Variants in LYST observed in about 807,000 individuals in gnomAD.
LYST encodes the protein lysosomal trafficking regulator, also known as lysosomal-trafficking regulator.
In LYST, 192 loss-of-function variants were observed where a neutral mutation model predicts 413.6. The ratio of observed to expected loss-of-function variants is 0.46; its 90% CI spans 0.41 to 0.52. The LOEUF is 0.52. Among genes scored for constraint, LYST ranks in the 20% least tolerant of loss-of-function variants. LYST has a pLI of 0.00. For synonymous variants in LYST, 1,525 were observed against 1,567.3 expected (o/e 0.97, Z 0.64); for missense variants, 3,815 against 4,499.9 (o/e 0.85, Z 4.35).
rs144878739 is a variant in LYST, at chr1:235,709,588, C to G, written c.9926-280G>C. Among the ~76,000 whole-genome samples, 54 of 150,110 alleles carry G rather than the reference C, an allele frequency of 3.6e-4. 6 individuals carry two copies. The highest frequency in any genetic ancestry group is 1.4e-3 in the African/African-American group (54 of 39,494). On this transcript the variant is annotated intron_variant, in intron 43 of 52. Transcript: ENST00000389793. ...AACATATTGAAGAAAAGGAGAAAAC[C>G]ATTGCCTACTAATTCCAATATTCTG...
At chr1:235,786,230 G>A (rs982157935) in intron 14 of LYST, among the ~76,000 whole-genome samples, 6 of 152,000 alleles carry the variant, frequency 3.9e-5, no homozygotes, top group Non-Finnish European at 7.4e-5. Flanking sequence ...CAGTCACTTC[G>A]ACAGGAGGCT....
Position 235,830,154 on chromosome 1 carries a change from A to G in LYST, c.192+72T>C, listed in dbSNP as rs1158803779. On this transcript the variant is annotated intron_variant, in intron 3 of 52. Transcript: ENST00000389793. Reference sequence around the variant, plus strand: ...CTCAAGGAGGCTTCAGAAACTATGTAATCCAAAACCATGTAGCTACAGTTA... The same window carrying G: ...CTCAAGGAGGCTTCAGAAACTATGTGATCCAAAACCATGTAGCTACAGTTA... 3 of 1,187,040 alleles carry G rather than the reference A, an allele frequency of 2.5e-6. No homozygotes were observed. In the South Asian group the frequency reaches 3.8e-5, roughly 15 times the overall value. 73.5% of individuals were successfully genotyped at this position (1,187,040 alleles called of 1,614,324 possible).
At chr1:235,858,454 T>C in intron 1 of LYST, among the ~76,000 whole-genome samples, 1 of 152,238 alleles carries the variant, frequency 6.6e-6, no homozygotes, top group East Asian at 1.9e-4. Flanking sequence ...TGGTCATTCT[T>C]TGGCCCTTAT....
At chr1:235,713,179 G>T in intron 42 of LYST, 1 of 985,112 alleles carries the variant, frequency 1.0e-6, no homozygotes, top group South Asian at 4.7e-5. Flanking sequence ...AAAAAAATCT[G>T]GGAAGAAATA....
intron 5 of LYST, 98 bp from the exon 6 acceptor site, chr1:235,806,870 A>T: frequency 1.2e-6 from 1 of 806,218 alleles, no homozygotes; most frequent in African/African-American, 1.7e-5. Context: ...TGCATGTGGG[A>T]TATACTAACC....
At chr1:235,789,690 T>C (rs576761941) in intron 12 of LYST, among the ~76,000 whole-genome samples, 44 of 152,314 alleles carry the variant, frequency 2.9e-4, no homozygotes, top group African/African-American at 9.9e-4. Context: ...CCTGTAGCGA[T>C]GACAATAGTT....
chr1:235,838,274 A>G (rs1676793582), intron 1 of LYST, among the ~76,000 whole-genome samples: 1 of 152,180 alleles, frequency 6.6e-6, no homozygotes, highest in African/African-American at 2.4e-5. Context: ...GCCAATGAGT[A>G]ACTAAATCAA....
At chr1:235,793,821 T>C (rs920535908) in intron 10 of LYST, among the ~76,000 whole-genome samples, 1 of 151,996 alleles carries the variant, frequency 6.6e-6, no homozygotes, top group South Asian at 2.1e-4. Flanking sequence ...ACCACTTTTC[T>C]TTTTATTATT....
intron 1 of LYST, among the ~76,000 whole-genome samples, chr1:235,848,919 C>T (rs566287328): frequency 7.9e-5 from 12 of 152,132 alleles, no homozygotes; most frequent in South Asian, 4.2e-4. Context: ...GACAGATTCA[C>T]GGCAGAATTC....
intron 31 of LYST, chr1:235,737,885 G>A (rs1319268354): frequency 4.9e-5 from 55 of 1,117,086 alleles, no homozygotes; most frequent in Non-Finnish European, 5.8e-5. Flanking sequence ...TGTATTTAAA[G>A]GTAGCGAAGG....
chr1:235,746,338 T>C lies in LYST; in HGVS notation c.7970A>G (p.Gln2657Arg), dbSNP rs767152361. 3 of 1,613,118 alleles carry C rather than the reference T, an allele frequency of 1.9e-6. No individual in the cohort carries two copies. In the South Asian group the frequency reaches 3.3e-5, roughly 18 times the overall value. The stretch of plus-strand genomic sequence containing the variant: ...ACAAACTAATCCTATAGTCTTACCT[T>C]GATAAATAATCCTGTTGACTGCTAA... The part of the protein sequence containing the change: ...TVLAVNRIIY[Q>R]EFNSDIIDIL... Residue 2657 changes from glutamine to arginine, a missense_variant and splice_region_variant, in exon 29 of 53, where the codon CAA becomes CGA. This residue lies in a region of LYST where 771 missense variants were observed against 837.1 expected (regional missense o/e 0.92). Coordinates refer to ENST00000389793, the MANE Select transcript of LYST (RefSeq NM_000081.4).
At chr1:235,868,439 C>T (rs1208558845), upstream of LYST, among the ~76,000 whole-genome samples, 2 of 152,158 alleles carry the variant, frequency 1.3e-5, no homozygotes, top group African/African-American at 4.8e-5. Flanking sequence ...ATTTATACAT[C>T]AACTTTCACC....
At chr1:235,793,670 A>G (rs1671260482) in intron 10 of LYST, 58 bp from the exon 11 acceptor site, 1 of 889,630 alleles carries the variant, frequency 1.1e-6, no homozygotes, top group East Asian at 2.5e-5. Flanking sequence ...GGAATAAATG[A>G]GCAATTTCAC....
intron 46 of LYST, among the ~76,000 whole-genome samples, chr1:235,696,455 T>G (rs1057338327): frequency 6.6e-6 from 1 of 152,220 alleles, no homozygotes; most frequent in African/African-American, 2.4e-5. Context: ...TGGTGCCCCA[T>G]GTCCACAGTA....
At chr1:235,744,304 T>C (rs1665697801) in intron 29 of LYST, 147 bp from the exon 30 acceptor site, 2 of 610,148 alleles carry the variant, frequency 3.3e-6, no homozygotes, top group Admixed American at 2.9e-5. Context: ...TTAGATGTAA[T>C]AGATACAATG....
At chr1:235,736,623 C>T (rs1353055256) in intron 31 of LYST, 1 of 152,104 alleles carries the variant, frequency 6.6e-6, no homozygotes, top group Non-Finnish European at 1.5e-5. Flanking sequence ...AATCCAGGCA[C>T]ATTCCAAATG....
chr1:235,800,702 G>A (rs948845126), intron 9 of LYST, among the ~76,000 whole-genome samples, 169 bp downstream of exon 9: 1 of 152,084 alleles, frequency 6.6e-6, no homozygotes, highest in Admixed American at 6.6e-5. Flanking sequence ...AGAAAACTAT[G>A]GAATTAGAAG....
intron 28 of LYST, among the ~76,000 whole-genome samples, chr1:235,749,693 T>C (rs2103298571): frequency 6.6e-6 from 1 of 152,242 alleles, no homozygotes; most frequent in East Asian, 1.9e-4. Flanking sequence ...AGTCCAAGTA[T>C]AATAAGCAGC....
chr1:235,669,153 T>C (rs1267964068), intron 50 of LYST, among the ~76,000 whole-genome samples: 1 of 152,224 alleles, frequency 6.6e-6, no homozygotes, highest in Non-Finnish European at 1.5e-5. Context: ...TGTATGCTAA[T>C]GAGATGACTC....
Sources: allele counts gnomAD v4.1 joint callset (sites outside exome capture counted in the v4.1 genomes callset), GRCh38; gene constraint gnomAD v4.1.1; regional missense constraint gnomAD v4.1.1; transcripts MANE v1.5; gene names NCBI Gene and HGNC (gene_info 2026-07-23, HGNC 2026-07-21).